Variants in CNTLN observed in about 807,000 individuals in gnomAD.
The protein encoded by CNTLN is centlein.
A neutral mutation model predicts 180.0 loss-of-function variants in CNTLN; 212 were observed. The observed-to-expected ratio is 1.18, with a 90% CI of 1.05 to 1.32. The LOEUF (loss-of-function observed/expected upper bound fraction) is 1.32. CNTLN is among the 40% of genes most tolerant of loss of function. CNTLN has a pLI of 0.00. For synonymous variants in CNTLN, 722 were observed against 563.1 expected, an observed-to-expected ratio of 1.28 and a Z score of -3.99; for missense variants, 2,095 against 1,610.9, an observed-to-expected ratio of 1.30 and a Z score of -5.14.
chr9:17,189,516 C>G (rs974955119), intron 2 of CNTLN, among the ~76,000 whole-genome samples: 6 of 150,836 alleles, frequency 4.0e-5, no homozygotes, highest in Non-Finnish European at 5.9e-5. Context: ...CAGATTCTCA[C>G]TCTGTCACCC....
intron 12 of CNTLN, among the ~76,000 whole-genome samples, chr9:17,350,332 G>A (rs550501151): frequency 1.2e-4 from 19 of 152,276 alleles, no homozygotes; most frequent in Admixed American, 1.2e-3. Context: ...CAGTGGTTTA[G>A]TAATAGGTCT....
chr9:17,179,323 T>A (rs1476690323), intron 2 of CNTLN, among the ~76,000 whole-genome samples: 1 of 152,108 alleles, frequency 6.6e-6, no homozygotes, highest in Non-Finnish European at 1.5e-5. Context: ...ACCTTTAATT[T>A]TATAAATTTT....
At chr9:17,406,337 C>T (rs925724639) in intron 15 of CNTLN, among the ~76,000 whole-genome samples, 11 of 151,840 alleles carry the variant, frequency 7.2e-5, no homozygotes, top group Admixed American at 1.3e-4. Context: ...TAACCACCCT[C>T]CCTGCTTTCA....
chr9:17,497,125 A>G (rs1419309063), intron 25 of CNTLN, among the ~76,000 whole-genome samples: 1 of 152,188 alleles, frequency 6.6e-6, no homozygotes, highest in Non-Finnish European at 1.5e-5. Context: ...CATTGCCCAA[A>G]GCATTATCTT....
intron 14 of CNTLN, among the ~76,000 whole-genome samples, chr9:17,394,288 A>G (rs542360347): frequency 6.6e-6 from 1 of 152,162 alleles, no homozygotes; most frequent in East Asian, 1.9e-4. Context: ...GTTTATTAGC[A>G]TACTTAGTTC....
chr9:17,331,353 T>G (rs938354047), intron 9 of CNTLN, among the ~76,000 whole-genome samples: 2 of 107,680 alleles, frequency 1.9e-5, no homozygotes, highest in African/African-American at 6.6e-5. Context: ...TCTCGTTTAT[T>G]AATGTCTCAA....
chr9:17,355,747 G>A (rs1007266137), intron 12 of CNTLN, among the ~76,000 whole-genome samples: 1 of 152,158 alleles, frequency 6.6e-6, no homozygotes, highest in Non-Finnish European at 1.5e-5. Context: ...AATAAGATAA[G>A]AACTTGAATG....
chr9:17,308,994 A>G lies in CNTLN; in HGVS notation c.1147-64A>G. The G allele has an allele frequency of 2.7e-6, 3 of 1,124,982 alleles. No homozygotes were observed. In the South Asian group the frequency reaches 5.4e-5, roughly 20 times the overall value. 69.7% of individuals were successfully genotyped at this position (1,124,982 alleles called of 1,614,324 possible). A position where few individuals can be genotyped will look rare whatever the true frequency, so the allele number is the denominator to read the frequency against. On this transcript the variant is annotated intron_variant, in intron 7 of 25. Transcript: ENST00000380647. Reference sequence around the variant, plus strand: ...TATGTATATATACACACACACACACACAGACACACAGACACATAGTTTTAT... The same window carrying G: ...TATGTATATATACACACACACACACGCAGACACACAGACACATAGTTTTAT...
intron 2 of CNTLN, among the ~76,000 whole-genome samples, chr9:17,177,403 T>C (rs111325437): frequency 0.032 from 4,807 of 151,936 alleles, 191 homozygotes; most frequent in African/African-American, 0.094. Flanking sequence ...AACAAGACTC[T>C]GTCTCAAAAA....
At chr9:17,458,191 A>G (rs1265709250) in intron 19 of CNTLN, among the ~76,000 whole-genome samples, 2 of 151,204 alleles carry the variant, frequency 1.3e-5, no homozygotes, top group African/African-American at 4.8e-5. Flanking sequence ...AATAGTAGGA[A>G]GTATGTAGAG....
In CNTLN at chr9:17,459,994, G is replaced by A. The variant is rs564568499; in HGVS notation, c.3306+2279G>A. Among the ~76,000 whole-genome samples the A allele has an allele frequency of 3.3e-5, 5 of 151,802 alleles. No homozygotes were observed. In the East Asian group the frequency reaches 7.7e-4, roughly 23 times the overall value. On this transcript the variant is annotated intron_variant, in intron 19 of 25. Transcript: ENST00000380647. ...TGCTAATATAGTGATTTTCTAATAA[G>A]TAGCTTATTTTCTACTTAATGTTTT...
At position 17,415,969 on chromosome 9, in the gene CNTLN, A is replaced by G. The variant is rs1828204304; in HGVS notation, c.2894A>G (p.Asn965Ser). Residue 965 changes from asparagine to serine, a missense_variant, in exon 18 of 26, where the codon AAC (asparagine) becomes AGC (serine). Transcript: ENST00000380647. Reference protein sequence around the residue: ...SSHTAVPTRVNREKYKNITAQ... With the variant: ...SSHTAVPTRVSREKYKNITAQ... The stretch of plus-strand genomic sequence containing the variant: ...GAACAATATTGTTTTTATGTAGTCA[A>G]CAGAGAAAAGTACAAAAATATAACT... The G allele has an allele frequency of 3.1e-6, 5 of 1,605,794 alleles. No homozygotes were observed. In the African/African-American group the frequency reaches 4.0e-5, roughly 13 times the overall value.
chr9:17,179,727 A>G (rs1457949286), intron 2 of CNTLN, among the ~76,000 whole-genome samples: 1 of 152,166 alleles, frequency 6.6e-6, no homozygotes, highest in Non-Finnish European at 1.5e-5. Flanking sequence ...TTGATAATTC[A>G]CTGGCTAGTT....
At chr9:17,443,610 C>G (rs537886893) in intron 18 of CNTLN, among the ~76,000 whole-genome samples, 1 of 152,244 alleles carries the variant, frequency 6.6e-6, no homozygotes, top group South Asian at 2.1e-4. Flanking sequence ...ACGTTCATAG[C>G]TTCAACTGTA....
chr9:17,291,295 G>A (rs890124086), intron 6 of CNTLN, among the ~76,000 whole-genome samples: 7 of 152,084 alleles, frequency 4.6e-5, no homozygotes, highest in Non-Finnish European at 1.0e-4. Flanking sequence ...GTTTTTGGGT[G>A]GAGAGTTCTG....
chr9:17,385,870 C>T, intron 13 of CNTLN, among the ~76,000 whole-genome samples: 1 of 152,116 alleles, frequency 6.6e-6, no homozygotes, highest in Non-Finnish European at 1.5e-5. Flanking sequence ...ATTTAGGTAT[C>T]CCAGGAAGGT....
the CNTLN span, among the ~76,000 whole-genome samples, chr9:17,523,816 T>A: frequency 6.6e-6 from 1 of 152,206 alleles, no homozygotes; most frequent in East Asian, 1.9e-4. Flanking sequence ...GTAAAGAAGC[T>A]TGGTCCTATA....
chr9:17,381,216 A>T (rs543349389), intron 13 of CNTLN, among the ~76,000 whole-genome samples: 1 of 152,304 alleles, frequency 6.6e-6, no homozygotes, highest in African/African-American at 2.4e-5. Flanking sequence ...TTTGGCCTTT[A>T]TGCTGCCAGT....
chr9:17,160,107 A>T (rs1404196220), intron 2 of CNTLN, among the ~76,000 whole-genome samples: 1 of 152,174 alleles, frequency 6.6e-6, no homozygotes, highest in Non-Finnish European at 1.5e-5. Context: ...AAAATATAAG[A>T]AGGTGCTTAT....
Sources: allele counts gnomAD v4.1 joint callset (sites outside exome capture counted in the v4.1 genomes callset), GRCh38; gene constraint gnomAD v4.1.1; transcripts MANE v1.5; gene names NCBI Gene and HGNC (gene_info 2026-07-23, HGNC 2026-07-21).